KIAA0232: variants seen among roughly 807,000 people sequenced by gnomAD.
The protein encoded by KIAA0232 is uncharacterized protein KIAA0232.
A neutral mutation model predicts 122.0 loss-of-function variants in KIAA0232; 27 were observed. The observed-to-expected ratio is 0.22, with a 90% CI of 0.16 to 0.31. The LOEUF (loss-of-function observed/expected upper bound fraction) is 0.31, where lower values mean the gene tolerates loss of function less well. Ranked by LOEUF, KIAA0232 falls within the 10% of genes least tolerant of loss-of-function variation. The pLI, the probability that KIAA0232 is intolerant of heterozygous loss-of-function variation, is 1.00. For missense variants in KIAA0232, 1,551 were observed against 1,634.2 expected (o/e 0.95, Z 0.88); for synonymous variants, 613 against 587.6 (o/e 1.04, Z -0.63).
chr4:6,875,806 G>A (rs1721719904), intron 8 of KIAA0232, among the ~76,000 whole-genome samples: 1 of 152,164 alleles, frequency 6.6e-6, no homozygotes, highest in Admixed American at 6.5e-5. Context: ...ACTCTGCACT[G>A]TGCCTCTGCC....
Position 6,861,918 on chromosome 4 carries a change from G to A in KIAA0232, c.1536G>A (p.Val512=). ...CAGAATTAACGCACTTCTATGAAGT[G>A]GATATTGATCAATCCATGTTGGATC... ...HLSELTHFYE[V]DIDQSMLDPG... is the part of the protein sequence containing the mutation. Residue 512 remains valine (V), a synonymous_variant, in exon 7 of 10, where the codon GTG becomes GTA. Transcript: ENST00000307659. The A allele has an allele frequency of 1.2e-6, 2 of 1,614,018 alleles. No homozygotes were observed. The highest frequency in any genetic ancestry group is 1.1e-5 in the South Asian group (1 of 91,060).
intron 1 of KIAA0232, among the ~76,000 whole-genome samples, chr4:6,783,053 C>T (rs1338180980): frequency 6.8e-6 from 1 of 147,120 alleles, no homozygotes; most frequent in Non-Finnish European, 1.5e-5. Flanking sequence ...GAGCCGCCGC[C>T]GAGGGCTCCG....
intron 1 of KIAA0232, among the ~76,000 whole-genome samples, chr4:6,798,168 A>C (rs538024625): frequency 6.6e-6 from 1 of 152,348 alleles, no homozygotes; most frequent in East Asian, 1.9e-4. Flanking sequence ...GGGCACATAC[A>C]TGATGGCCCT....
chr4:6,841,933 G>GAA, intron 3 of KIAA0232, 134 bp from the exon 4 acceptor site: 1 of 1,021,120 alleles, frequency 9.8e-7, no homozygotes, highest in Non-Finnish European at 1.4e-6. Flanking sequence ...CTTCGTCGCA[G>GAA]AAATAGACAA....
intron 9 of KIAA0232, 72 bp from the exon 10 acceptor site, chr4:6,880,715 A>G (rs1027054032): frequency 9.9e-7 from 1 of 1,011,798 alleles, no homozygotes; most frequent in Non-Finnish European, 1.4e-6. Context: ...TTCTTTGTAT[A>G]TAGATAGAGT....
intron 2 of KIAA0232, among the ~76,000 whole-genome samples, chr4:6,805,811 A>G (rs895744520): frequency 6.6e-6 from 1 of 152,150 alleles, no homozygotes; most frequent in African/African-American, 2.4e-5. Flanking sequence ...TTTTTTTCCA[A>G]GTAAGCTTAG....
intron 1 of KIAA0232, among the ~76,000 whole-genome samples, chr4:6,801,229 T>C (rs980278871): frequency 6.6e-6 from 1 of 152,218 alleles, no homozygotes; most frequent in African/African-American, 2.4e-5. Context: ...CTTGTGCCAT[T>C]AAAGAACTGA....
chr4:6,846,894 G>C (rs1251807250), intron 4 of KIAA0232, among the ~76,000 whole-genome samples: 1 of 152,094 alleles, frequency 6.6e-6, no homozygotes, highest in Admixed American at 6.6e-5. Context: ...GAGGATGATC[G>C]TGTTTGTGGT....
At chr4:6,847,818 C>T (rs1720048185) in intron 4 of KIAA0232, among the ~76,000 whole-genome samples, 1 of 151,262 alleles carries the variant, frequency 6.6e-6, no homozygotes, top group Non-Finnish European at 1.5e-5. Flanking sequence ...TGGCATATAC[C>T]TGGTATTTGT....
chr4:6,809,417 T>C (rs1406155989), intron 2 of KIAA0232, among the ~76,000 whole-genome samples: 1 of 152,202 alleles, frequency 6.6e-6, no homozygotes, highest in Non-Finnish European at 1.5e-5. Flanking sequence ...GCAGATCTTA[T>C]TTTCTCTGGC....
intron 7 of KIAA0232, among the ~76,000 whole-genome samples, chr4:6,870,207 G>A (rs1185759272): frequency 6.6e-6 from 1 of 152,200 alleles, no homozygotes; most frequent in Non-Finnish European, 1.5e-5. Flanking sequence ...ACACTATCCA[G>A]TTCTCACTGG....
At chr4:6,873,107 G>A (rs3893185) in intron 8 of KIAA0232, among the ~76,000 whole-genome samples, 79,111 of 152,070 alleles carry the variant, frequency 0.52, 21,058 homozygotes, top group African/African-American at 0.62. Flanking sequence ...AGCCTTGGTT[G>A]CGTGCAAGGT....
chr4:6,842,809 G>C (rs1338288530), intron 4 of KIAA0232, among the ~76,000 whole-genome samples: 5 of 152,000 alleles, frequency 3.3e-5, no homozygotes, highest in Non-Finnish European at 7.4e-5. Flanking sequence ...GGCTGGTCTT[G>C]AACTCCTGAT....
intron 3 of KIAA0232, among the ~76,000 whole-genome samples, chr4:6,837,756 T>C (rs1410379666): frequency 6.6e-6 from 1 of 152,004 alleles, no homozygotes; most frequent in Non-Finnish European, 1.5e-5. Context: ...CACCAAAAAA[T>C]ACAAAAACCA....
chr4:6,849,063 G>T (rs922351405), intron 4 of KIAA0232, among the ~76,000 whole-genome samples: 11 of 152,214 alleles, frequency 7.2e-5, no homozygotes, highest in Non-Finnish European at 1.6e-4. Flanking sequence ...AGTGCAACCT[G>T]ACTTACTTGC....
intron 1 of KIAA0232, among the ~76,000 whole-genome samples, chr4:6,790,915 C>CTTTTTT (rs35766310): frequency 1.1e-4 from 10 of 92,944 alleles, no homozygotes; most frequent in African/African-American, 1.4e-4. Context: ...TTTTTATATA[C>CTTTTTT]TTTTTTTTTT....
At chr4:6,864,569 T>C (rs1156312920) in intron 7 of KIAA0232, among the ~76,000 whole-genome samples, 1 of 151,462 alleles carries the variant, frequency 6.6e-6, no homozygotes, top group Non-Finnish European at 1.5e-5. Flanking sequence ...TGAGACCCCG[T>C]CTCTACTAAA....
intron 1 of KIAA0232, among the ~76,000 whole-genome samples, chr4:6,787,899 C>A (rs1451113874): frequency 6.6e-5 from 10 of 152,202 alleles, no homozygotes; most frequent in Non-Finnish European, 1.2e-4. Flanking sequence ...TTTCTCCTCC[C>A]AAGATTTTTA....
At chr4:6,851,926 A>G (rs1051977578) in intron 4 of KIAA0232, among the ~76,000 whole-genome samples, 1 of 152,076 alleles carries the variant, frequency 6.6e-6, no homozygotes, top group Non-Finnish European at 1.5e-5. Flanking sequence ...TGTTCCCTTT[A>G]TGTTACATCA....
Sources: gnomAD v4.1 joint callset for allele counts (sites outside exome capture counted in the v4.1 genomes callset) on GRCh38, gnomAD v4.1.1 for gene constraint, MANE v1.5 for transcripts, NCBI Gene and HGNC (gene_info 2026-07-23, HGNC 2026-07-21) for gene names.